The following USP34 variants were observed in gnomAD, a reference collection of about 807,000 sequenced individuals.
The protein encoded by USP34 is ubiquitin specific peptidase 34.
USP34 carries 70 observed loss-of-function variants against 460.3 expected under a neutral mutation model. The ratio of observed to expected loss-of-function variants is 0.15; its 90% CI spans 0.13 to 0.19. The LOEUF (loss-of-function observed/expected upper bound fraction) is 0.19. USP34 is among the 10% of genes least tolerant of loss of function. USP34 has a pLI of 1.00. For synonymous variants in USP34, 1,647 were observed against 1,405.3 expected, an observed-to-expected ratio of 1.17 and a Z score of -3.85; for missense variants, 3,985 against 4,236.2, an observed-to-expected ratio of 0.94 and a Z score of 1.65.
At chr2:61,341,656 C>A (rs913438117) in intron 16 of USP34, among the ~76,000 whole-genome samples, 1 of 152,000 alleles carries the variant, frequency 6.6e-6, no homozygotes, top group African/African-American at 2.4e-5. Context: ...GTGGCCCTCA[C>A]CAGAAGCAGA....
chr2:61,302,276 G>A (rs1690252506), intron 27 of USP34, among the ~76,000 whole-genome samples: 1 of 152,178 alleles, frequency 6.6e-6, no homozygotes, highest in South Asian at 2.1e-4. Flanking sequence ...CAAGAAAAAT[G>A]AGTGGGGTAA....
chr2:61,206,184 T>C (rs1687113453), intron 71 of USP34, 60 bp from the exon 72 acceptor site: 1 of 1,399,694 alleles, frequency 7.1e-7, no homozygotes, highest in Non-Finnish European at 1.0e-6. Context: ...TCACAAATGT[T>C]TTCTACTGTA....
chr2:61,423,873 C>T (rs1694433817), intron 1 of USP34, among the ~76,000 whole-genome samples: 1 of 152,170 alleles, frequency 6.6e-6, no homozygotes. Flanking sequence ...GGGAGAATGG[C>T]TTGAGTCCAG....
Position 61,232,303 on chromosome 2 carries a change from A to C in USP34, c.7113+149T>G, listed in dbSNP as rs1687929596. ...GATGTTAAAAGAACCTGGTGAAACC[A>C]ACAACAAAATGACTTTTATGATAGG... On this transcript the variant is annotated intron_variant, in intron 58 of 79. Transcript: ENST00000398571. The C allele has an allele frequency of 4.8e-5, 32 of 667,080 alleles. 1 individual carries two copies. In the South Asian group the frequency reaches 6.5e-4, roughly 14 times the overall value. The allele number at this position is 667,080 out of a possible 1,614,324, so 41.3% of individuals were successfully genotyped here.
intron 22 of USP34, 86 bp from the exon 23 acceptor site, chr2:61,317,853 C>T (rs1297837709): frequency 1.1e-6 from 1 of 942,236 alleles, no homozygotes; most frequent in Non-Finnish European, 1.6e-6. Flanking sequence ...TTACTGAAAA[C>T]ACTGTAGAAG....
chr2:61,406,708 A>T (rs1396450235), intron 2 of USP34, among the ~76,000 whole-genome samples: 2 of 151,920 alleles, frequency 1.3e-5, no homozygotes, highest in African/African-American at 4.8e-5. Context: ...TATTTAAAAA[A>T]AAAAAAAAAA....
In USP34 at chr2:61,301,337, A is replaced by G. The variant is rs770523204; in HGVS notation, c.3918+17T>C. 2 of 1,608,422 alleles carry G rather than the reference A, an allele frequency of 1.2e-6. No individual in the cohort carries two copies. Among genetic ancestry groups the G allele is most frequent in the South Asian group, 2.2e-5 (2 of 89,796 alleles). On this transcript the variant is annotated intron_variant, in intron 28 of 79. Coordinates refer to ENST00000398571, the MANE Select transcript of USP34 (RefSeq NM_014709.4). ...TAAACAGATCATTAAAACTCAAACC[A>G]CGTTTTATATATGTACCTGCATATC...
chr2:61,358,754 A>C (rs1432698283), intron 10 of USP34, among the ~76,000 whole-genome samples: 1 of 152,214 alleles, frequency 6.6e-6, no homozygotes, highest in Non-Finnish European at 1.5e-5. Context: ...TAAGCTGAGA[A>C]GCAAATTCAC....
At chr2:61,203,076 C>G (rs1687022339) in intron 75 of USP34, 64 bp downstream of exon 75, 2 of 1,374,680 alleles carry the variant, frequency 1.5e-6, no homozygotes, top group Non-Finnish European at 1.9e-6. Flanking sequence ...TTTTTCTCCC[C>G]TTCCTGAATG....
chr2:61,335,219 A>T (rs1691381406), intron 18 of USP34, among the ~76,000 whole-genome samples: 1 of 152,236 alleles, frequency 6.6e-6, no homozygotes, highest in Admixed American at 6.5e-5. Context: ...TCCAATAAAG[A>T]TTAAATTGTA....
chr2:61,283,559 A>G, intron 35 of USP34, 110 bp from the exon 36 acceptor site: 1 of 1,170,774 alleles, frequency 8.5e-7, no homozygotes, highest in Non-Finnish European at 1.2e-6. Context: ...CCAAAAAAGG[A>G]AAGCAGTGGG....
chr2:61,256,102 A>T (rs1183738220), intron 48 of USP34, among the ~76,000 whole-genome samples: 1 of 152,212 alleles, frequency 6.6e-6, no homozygotes, highest in Admixed American at 6.5e-5. Context: ...GATACAGATA[A>T]TGATGAAAAT....
intron 1 of USP34, among the ~76,000 whole-genome samples, chr2:61,446,113 C>CAA (rs35776849): frequency 0.036 from 3,150 of 86,816 alleles, 137 homozygotes; most frequent in Middle Eastern, 0.11. Flanking sequence ...GACTCTGTCT[C>CAA]AAAAAAAAAA....
intron 3 of USP34, among the ~76,000 whole-genome samples, chr2:61,397,482 T>G (rs1007669158): frequency 6.8e-6 from 1 of 146,938 alleles, no homozygotes; most frequent in Non-Finnish European, 1.5e-5. Context: ...AAGACTGCTT[T>G]TGGCCAGGCC....
chr2:61,221,665 G>C, intron 65 of USP34, 59 bp from the exon 66 acceptor site: 3 of 1,497,640 alleles, frequency 2.0e-6, no homozygotes, highest in Admixed American at 1.8e-5. Flanking sequence ...TCCTTCAGCA[G>C]AGAAGAAACA....
At chr2:61,192,879 A>C (rs1686683249) in intron 76 of USP34, 22 bp downstream of exon 76, 1 of 1,602,260 alleles carries the variant, frequency 6.2e-7, no homozygotes. Context: ...AAGACCAATC[A>C]TCTAAAACTC....
chr2:61,431,107 G>C (rs935207116), intron 1 of USP34, among the ~76,000 whole-genome samples: 1 of 152,218 alleles, frequency 6.6e-6, no homozygotes, highest in Admixed American at 6.5e-5. Context: ...GAGGAATGTA[G>C]GGAGAGATTG....
intron 1 of USP34, among the ~76,000 whole-genome samples, chr2:61,469,139 A>G (rs1478081373): frequency 6.6e-6 from 1 of 152,148 alleles, no homozygotes; most frequent in African/African-American, 2.4e-5. Flanking sequence ...CCTGGGAGGC[A>G]GAGTTTGCAG....
In USP34 at chr2:61,229,576, G is replaced by A. The variant is rs1236837648; in HGVS notation, c.7171C>T (p.Leu2391Phe). ...TCTTCCATTCCTGGCTGCAAATAGA[G>A]ATGAGCATGCACAGGTCTCAGCCTC... ...IQRLRPVHAH[L>F]YLQPGMEDGS... Residue 2391 changes from leucine to phenylalanine, a missense_variant, in exon 59 of 80, where the codon CTC becomes TTC. Transcript: ENST00000398571. The A allele has an allele frequency of 3.1e-6, 5 of 1,608,658 alleles. No homozygotes were observed. The highest frequency in any genetic ancestry group is 4.2e-6 in the Non-Finnish European group (5 of 1,178,192).
Sources: allele counts gnomAD v4.1 joint callset (sites outside exome capture counted in the v4.1 genomes callset), GRCh38; gene constraint gnomAD v4.1.1; transcripts MANE v1.5; gene names NCBI Gene and HGNC (gene_info 2026-07-23, HGNC 2026-07-21).